The following HLA-DPA1 variants were observed in gnomAD, a reference collection of about 807,000 sequenced individuals.
HLA-DPA1 encodes the protein HLA class II histocompatibility antigen, DP alpha 1 chain.
A neutral mutation model predicts 21.5 loss-of-function variants in HLA-DPA1; 20 were observed. The observed-to-expected ratio is 0.93, with a 90% CI of 0.66 to 1.35. The LOEUF (loss-of-function observed/expected upper bound fraction) is 1.35. Among genes scored for constraint, HLA-DPA1 ranks in the 40% most tolerant of loss-of-function variants. HLA-DPA1 has a pLI of 0.00. For missense variants in HLA-DPA1, 279 were observed against 323.0 expected (o/e 0.86, Z 1.05); for synonymous variants, 123 against 129.6 (o/e 0.95, Z 0.35).
intron 1 of HLA-DPA1, chr6:33,079,908 C>CA (rs3841160): frequency 9.1e-5 from 23 of 252,884 alleles, no homozygotes; most frequent in South Asian, 2.7e-4. Context: ...TAAAAACTGC[C>CA]AAAAAAAATT....
intron 2 of HLA-DPA1, 64 bp from the exon 2 acceptor site, chr6:33,069,950 C>A: frequency 6.9e-7 from 1 of 1,446,732 alleles, no homozygotes; most frequent in Non-Finnish European, 9.5e-7. Flanking sequence ...GTGGTCAAAG[C>A]TAGAGAATGA....
At chr6:33,075,685 T>C (rs370564814) in intron 1 of HLA-DPA1, among the ~76,000 whole-genome samples, 2 of 152,166 alleles carry the variant, frequency 1.3e-5, no homozygotes, top group Middle Eastern at 3.2e-3. Context: ...ATAATCCCTG[T>C]AGATGGGCCA....
At chr6:33,077,378 T>C (rs7769592) in intron 1 of HLA-DPA1, among the ~76,000 whole-genome samples, 12,422 of 152,068 alleles carry the variant, frequency 0.082, 1,340 homozygotes, top group East Asian at 0.54. Context: ...GCAATAAACA[T>C]ATGTGTGCAT....
At chr6:33,069,027 T>C in exon 4 of HLA-DPA1, 1 of 1,612,938 alleles carries the variant, frequency 6.2e-7, no homozygotes. Context: ...ACCCCAGTGC[T>C]TGAGGAGCGG....
intron 5 of HLA-DPA1, chr6:33,068,400 A>G (rs3180554): frequency 0.25 from 107,012 of 433,916 alleles, 20,149 homozygotes; most frequent in East Asian, 0.61. Context: ...CATGTGAAAT[A>G]GTGAAAATAA....
At chr6:33,068,917 A>G in intron 4 of HLA-DPA1, 102 bp downstream of exon 3, 3 of 1,533,238 alleles carry the variant, frequency 2.0e-6, no homozygotes, top group Non-Finnish European at 2.7e-6. Context: ...TAGGACGAGG[A>G]GAGGACTGAG....
chr6:33,069,303 G>A lies in HLA-DPA1; in HGVS notation c.347-3C>T, dbSNP rs73739671. ...AAACACGGTCACCTCAGGGGGATCTGGAAGGAGACAGCACCAGGTTAGGCC... is the reference window on the plus strand; with the variant it reads ...AAACACGGTCACCTCAGGGGGATCTAGAAGGAGACAGCACCAGGTTAGGCC... On this transcript the variant is annotated splice_region_variant and splice_polypyrimidine_tract_variant and intron_variant, in intron 3 of 5. Coordinates refer to ENST00000419277, the Ensembl canonical transcript of HLA-DPA1. 0.21 allele frequency: 336,341 copies of A among 1,597,428 alleles called. 46,865 individuals carry two copies. The highest frequency in any genetic ancestry group is 0.64 in the East Asian group (28,545 of 44,560).
At chr6:33,075,551 G>A (rs1762494302) in intron 1 of HLA-DPA1, among the ~76,000 whole-genome samples, 1 of 152,186 alleles carries the variant, frequency 6.6e-6, no homozygotes. Flanking sequence ...TTTGAGTTCT[G>A]AGATGGGTAC....
chr6:33,069,077 G>A lies in HLA-DPA1; in HGVS notation c.570C>T (p.Asp190=), dbSNP rs781047915. 4.3e-6 allele frequency: 7 copies of A among 1,612,910 alleles called. No individual in the cohort carries two copies. In the East Asian group the frequency reaches 6.7e-5, roughly 15 times the overall value. Residue 190 remains aspartate (D), a synonymous_variant, in exon 4 of 6, where the codon GAC becomes GAT. Coordinates refer to ENST00000419277, the Ensembl canonical transcript of HLA-DPA1. ...AGTGCTCCACCCTGCAGTCATAGAA[G>A]TCCTCTGCTGAGGGCACAAAGGTCA...
intron 5 of HLA-DPA1, 187 bp downstream of exon 4, chr6:33,068,451 T>A: frequency 1.9e-6 from 1 of 520,878 alleles, no homozygotes; most frequent in African/African-American, 2.0e-5. Context: ...ATAAAGTGAG[T>A]TAATAAATGT....
chr6:33,068,949 G>T (rs1429817541), intron 4 of HLA-DPA1, 70 bp downstream of exon 3: 58 of 1,564,232 alleles, frequency 3.7e-5, no homozygotes, highest in Non-Finnish European at 2.8e-5. Flanking sequence ...GCGGAAAGCT[G>T]GTGCAGAGGA....
At position 33,072,363 on chromosome 6, in the gene HLA-DPA1, T is replaced by G. The variant is rs148435666; in HGVS notation, c.100+1108A>C. ...GCAAGGTTGTTTTTTATCAGTTGGTTTGCACTTATGTTTTTAAGGTAAATG... is the reference window on the plus strand; with the variant it reads ...GCAAGGTTGTTTTTTATCAGTTGGTGTGCACTTATGTTTTTAAGGTAAATG... On this transcript the variant is annotated intron_variant, in intron 2 of 5. Transcript: ENST00000419277. Among the ~76,000 whole-genome samples, 508 of 152,216 alleles carry G rather than the reference T, an allele frequency of 3.3e-3. 3 individuals are homozygous for G. Among genetic ancestry groups the G allele is most frequent in the East Asian group, 0.025 (130 of 5,168 alleles).
intron 1 of HLA-DPA1, among the ~76,000 whole-genome samples, chr6:33,078,215 G>A (rs879343507): frequency 1.3e-5 from 2 of 152,164 alleles, no homozygotes; most frequent in African/African-American, 2.4e-5. Flanking sequence ...GAGGTTTGTA[G>A]GGGGAATGAG....
At chr6:33,067,357 A>G (rs72870105) in intron 5 of HLA-DPA1, 43,887 of 151,882 alleles carry the variant, frequency 0.29, 8,382 homozygotes, top group East Asian at 0.69. Context: ...ATTAGTGCAC[A>G]TGAAACCTGG....
chr6:33,073,014 C>T (rs557106160), intron 2 of HLA-DPA1, among the ~76,000 whole-genome samples: 1 of 152,146 alleles, frequency 6.6e-6, no homozygotes, highest in African/African-American at 2.4e-5. Flanking sequence ...AAAGCAGCCA[C>T]AAAAGATAGA....
At position 33,068,807 on chromosome 6, in the gene HLA-DPA1, G is replaced by A. The variant is rs144535712; in HGVS notation, c.629-3C>T. 2.1e-4 allele frequency: 344 copies of A among 1,612,610 alleles called. 1 individual carries two copies. The African/African-American group carries it at 4.4e-3, about 20-fold the overall frequency. On this transcript the variant is annotated splice_region_variant and splice_polypyrimidine_tract_variant and intron_variant, in intron 4 of 5. Transcript: ENST00000419277. Reference sequence around the variant, plus strand: ...CATCTGGATTGGCTCTTGGGCCTCTGGGGGAAGAATGAAGAGATAGGGTCA... The same window carrying A: ...CATCTGGATTGGCTCTTGGGCCTCTAGGGGAAGAATGAAGAGATAGGGTCA...
At chr6:33,072,655 G>A (rs1762336342) in intron 2 of HLA-DPA1, among the ~76,000 whole-genome samples, 1 of 152,138 alleles carries the variant, frequency 6.6e-6, no homozygotes, top group Non-Finnish European at 1.5e-5. Flanking sequence ...GTACGTTATG[G>A]ATTCTAACCT....
chr6:33,079,156 A>G (rs954223986), intron 1 of HLA-DPA1, among the ~76,000 whole-genome samples: 4 of 152,212 alleles, frequency 2.6e-5, no homozygotes, highest in Admixed American at 6.5e-5. Flanking sequence ...AGGTTAATAA[A>G]CTGGAGAAGT....
intron 5 of HLA-DPA1, chr6:33,066,847 C>A (rs185109990): frequency 4.5e-4 from 69 of 152,232 alleles, no homozygotes; most frequent in African/African-American, 1.3e-3. Flanking sequence ...TAAAGAAATG[C>A]AAAATAAAAC....
Sources: gnomAD v4.1 joint callset for allele counts (sites outside exome capture counted in the v4.1 genomes callset) on GRCh38, gnomAD v4.1.1 for gene constraint, MANE v1.5 for transcripts, NCBI Gene and HGNC (gene_info 2026-07-23, HGNC 2026-07-21) for gene names.